The following MET variants were observed in gnomAD, a reference collection of about 807,000 sequenced individuals.
The protein encoded by MET is MET proto-oncogene, receptor tyrosine kinase.
A neutral mutation model predicts 133.1 loss-of-function variants in MET; 48 were observed. The observed-to-expected ratio is 0.36, with a 90% CI of 0.29 to 0.46. The LOEUF (loss-of-function observed/expected upper bound fraction) is 0.46, where lower values mean the gene tolerates loss of function less well. Among genes scored for constraint, MET ranks in the 20% least tolerant of loss-of-function variants. MET has a pLI of 1.00. For synonymous variants in MET, 628 were observed against 616.5 expected, an observed-to-expected ratio of 1.02 and a Z score of -0.28; for missense variants, 1,442 against 1,695.9, an observed-to-expected ratio of 0.85 and a Z score of 2.63.
chr7:116,698,203 T>A (rs1797034743), intron 1 of MET, among the ~76,000 whole-genome samples: 2 of 152,224 alleles, frequency 1.3e-5, no homozygotes, highest in Admixed American at 1.3e-4. Context: ...GCACCTTAAG[T>A]TTTAAATACT....
At chr7:116,753,972 C>T (rs1462563802) in intron 5 of MET, among the ~76,000 whole-genome samples, 1 of 152,102 alleles carries the variant, frequency 6.6e-6, no homozygotes, top group Non-Finnish European at 1.5e-5. Context: ...CCCGTCTCTA[C>T]AGAAATTTAA....
chr7:116,672,617 T>C (rs1036688328), intron 1 of MET, 40 bp downstream of exon 1: 4 of 376,486 alleles, frequency 1.1e-5, no homozygotes, highest in African/African-American at 8.4e-5. Context: ...ACCCAATCCC[T>C]CGCCTCAGGG....
intron 2 of MET, among the ~76,000 whole-genome samples, chr7:116,727,227 T>C (rs552336950): frequency 6.6e-6 from 1 of 152,272 alleles, no homozygotes; most frequent in Admixed American, 6.5e-5. Context: ...AATTGTGCAA[T>C]CCTCAGAACG....
At position 116,723,781 on chromosome 7, in the gene MET, C is replaced by T. The variant is rs546145995; in HGVS notation, c.1201-7887C>T. On this transcript the variant is annotated intron_variant, in intron 2 of 20. Transcript: ENST00000397752. ...TGTGCCCCTGCTGGGGGGTGCCTCC[C>T]AGTTAGGCTGCTCGGGGGTCAGGGG... Among the ~76,000 whole-genome samples the T allele has an allele frequency of 2.8e-3, 427 of 152,236 alleles. 4 individuals carry two copies. The highest frequency in any genetic ancestry group is 0.021 in the South Asian group (101 of 4,812).
intron 5 of MET, 72 bp from the exon 6 acceptor site, chr7:116,755,283 T>G: frequency 6.6e-7 from 1 of 1,518,508 alleles, no homozygotes; most frequent in Non-Finnish European, 9.1e-7. Context: ...ACATTTTGTT[T>G]GTTCGTTTTC....
At position 116,699,210 on chromosome 7, in the gene MET, G is replaced by A. The variant is rs1167851500; in HGVS notation, c.126G>A (p.Gln42=). The A allele has an allele frequency of 6.2e-7, 1 of 1,613,968 alleles. No individual in the cohort carries two copies. The highest frequency in any genetic ancestry group is 2.2e-5 in the East Asian group (1 of 44,876). ...KSEMNVNMKY[Q]LPNFTAETPI... ...AGATGAATGTGAATATGAAGTATCA[G>A]CTTCCCAACTTCACCGCGGAAACAC... The change falls in exon 2 of 21, where the codon CAG becomes CAA. Residue 42 remains glutamine (Q), a synonymous_variant. Transcript: ENST00000397752.
chr7:116,778,766 G>A lies in MET; in HGVS notation c.3341-10G>A, dbSNP rs1281663962. 1.2e-6 allele frequency: 2 copies of A among 1,613,638 alleles called. No individual in the cohort carries two copies. The highest frequency in any genetic ancestry group is 1.7e-6 in the Non-Finnish European group (2 of 1,179,826). ...AATGAAGTTAATGTCTCCACCACTG[G>A]ATTTCTCAGGAATCACTGACATAGG... On this transcript the variant is annotated splice_polypyrimidine_tract_variant and intron_variant, in intron 16 of 20. Transcript: ENST00000397752.
intron 3 of MET, among the ~76,000 whole-genome samples, chr7:116,735,147 A>G (rs1004690545): frequency 6.6e-6 from 1 of 152,142 alleles, no homozygotes; most frequent in Non-Finnish European, 1.5e-5. Context: ...GCCTGCTCCC[A>G]ATGGCCACAG....
intron 11 of MET, among the ~76,000 whole-genome samples, chr7:116,763,912 T>G (rs917353750): frequency 3.3e-5 from 5 of 152,214 alleles, no homozygotes; most frequent in Non-Finnish European, 5.9e-5. Flanking sequence ...GTCCCTTCAG[T>G]AGTTTCTACT....
At chr7:116,723,562 G>A (rs1312532343) in intron 2 of MET, among the ~76,000 whole-genome samples, 3 of 152,076 alleles carry the variant, frequency 2.0e-5, no homozygotes, top group East Asian at 1.9e-4. Context: ...GGCGCTCTGC[G>A]TTTTAGAGTT....
At chr7:116,754,086 G>T (rs1257799607) in intron 5 of MET, among the ~76,000 whole-genome samples, 1 of 151,744 alleles carries the variant, frequency 6.6e-6, no homozygotes, top group Non-Finnish European at 1.5e-5. Context: ...AGTGAGCTAG[G>T]ACTATGCCAC....
chr7:116,722,056 C>T (rs1418238539), intron 2 of MET, among the ~76,000 whole-genome samples: 1 of 150,122 alleles, frequency 6.7e-6, no homozygotes, highest in African/African-American at 2.4e-5. Context: ...CTTTCTGTCT[C>T]GTTGATCTGT....
At chr7:116,672,619 G>T (rs1796015185) in intron 1 of MET, 42 bp downstream of exon 1, 1 of 376,122 alleles carries the variant, frequency 2.7e-6, no homozygotes, top group Non-Finnish European at 4.7e-6. Context: ...CCAATCCCTC[G>T]CCTCAGGGGT....
intron 1 of MET, among the ~76,000 whole-genome samples, chr7:116,681,938 C>CA (rs59578108): frequency 7.1e-4 from 103 of 144,632 alleles, no homozygotes; most frequent in Middle Eastern, 3.6e-3. Flanking sequence ...AGATTGTTGA[C>CA]AAAAAAAAAA....
chr7:116,706,939 C>G (rs1218278185), intron 2 of MET, among the ~76,000 whole-genome samples: 1 of 147,800 alleles, frequency 6.8e-6, no homozygotes, highest in Non-Finnish European at 1.5e-5. Flanking sequence ...AATCTAGGAT[C>G]CTGGATACAT....
At chr7:116,730,461 GA>G (rs1232064433) in intron 2 of MET, among the ~76,000 whole-genome samples, 1 of 152,182 alleles carries the variant, frequency 6.6e-6, no homozygotes, top group East Asian at 1.9e-4. Flanking sequence ...GTTTGAAAAA[GA>G]AAATCCTGCT....
At chr7:116,716,555 G>T (rs1265277471) in intron 2 of MET, among the ~76,000 whole-genome samples, 1 of 151,592 alleles carries the variant, frequency 6.6e-6, no homozygotes, top group East Asian at 1.9e-4. Context: ...GAACAATAAA[G>T]GAAAGACTCA....
intron 5 of MET, among the ~76,000 whole-genome samples, chr7:116,744,286 C>A (rs1293796802): frequency 6.6e-6 from 1 of 151,384 alleles, no homozygotes; most frequent in Non-Finnish European, 1.5e-5. Context: ...AAGCTAAGAA[C>A]CTTGAAAAAA....
At chr7:116,736,828 C>T (rs760617164) in intron 3 of MET, among the ~76,000 whole-genome samples, 4 of 152,108 alleles carry the variant, frequency 2.6e-5, no homozygotes, top group Non-Finnish European at 4.4e-5. Context: ...CTATTTTATG[C>T]GAATTCTTCT....
Sources: gnomAD v4.1 joint callset for allele counts (sites outside exome capture counted in the v4.1 genomes callset) on GRCh38, gnomAD v4.1.1 for gene constraint, MANE v1.5 for transcripts, NCBI Gene and HGNC (gene_info 2026-07-23, HGNC 2026-07-21) for gene names.